The following AIG1 variants were observed in gnomAD, a reference collection of about 807,000 sequenced individuals.
AIG1 encodes androgen induced 1, also known as androgen-induced gene 1 protein.
AIG1 carries 23 observed loss-of-function variants against 31.4 expected under a neutral mutation model. That is an observed-to-expected ratio of 0.73 (90% CI 0.53 to 1.04). The LOEUF is 1.04. Among genes scored for constraint, AIG1 ranks in the 50% least tolerant of loss-of-function variants. The pLI is 0.00. For missense variants in AIG1, 274 were observed against 295.0 expected (o/e 0.93, Z 0.52); for synonymous variants, 100 against 110.5 (o/e 0.90, Z 0.60).
At chr6:143,125,334 A>G (rs1782603538) in intron 1 of AIG1, among the ~76,000 whole-genome samples, 1 of 152,210 alleles carries the variant, frequency 6.6e-6, no homozygotes, top group African/African-American at 2.4e-5. Flanking sequence ...TTAAAAGCAT[A>G]TTCACCTTTG....
intron 3 of AIG1, among the ~76,000 whole-genome samples, chr6:143,171,603 T>C (rs1021755107): frequency 6.2e-4 from 91 of 146,794 alleles, no homozygotes; most frequent in African/African-American, 2.2e-3. Context: ...GGAAAGGTTC[T>C]ATATTTTTGA....
rs181597464 is a variant in AIG1, at chr6:143,074,950, G to A, written c.141+13884G>A. Among the ~76,000 whole-genome samples the A allele has an allele frequency of 2.6e-4, 39 of 152,346 alleles. No individual in the cohort carries two copies. The East Asian group carries it at 6.5e-3, about 26-fold the overall frequency. ...CCAGAATGTTTGGTAGAATTTACCA[G>A]TGAAAACCACTGGGCTTGTGCTTTT... is the stretch of plus-strand genomic sequence containing the variant. On this transcript the variant is annotated intron_variant, in intron 1 of 5. Transcript: ENST00000357847.
Position 143,333,544 on chromosome 6 carries a change from C to A in AIG1, c.679+99C>A. ...ATTCCACTGTAGCCTCTTCTTTTAG[C>A]CTTCACACAGGATCTCCTATAAAGA... On this transcript the variant is annotated intron_variant, in intron 5 of 5. Coordinates refer to ENST00000357847, the MANE Select transcript of AIG1 (RefSeq NM_016108.4). This position sits in a 1 kb window ranked among gnomAD's most constrained non-coding sequence, Gnocchi z 4.6. The A allele has an allele frequency of 7.9e-7, 1 of 1,265,356 alleles. No homozygotes were observed. Among genetic ancestry groups the A allele is most frequent in the Non-Finnish European group, 1.1e-6 (1 of 916,228 alleles). 78.4% of individuals were successfully genotyped at this position (1,265,356 alleles called of 1,614,324 possible). A position where few individuals can be genotyped will look rare whatever the true frequency, so the allele number is the denominator to read the frequency against.
chr6:143,114,962 T>C (rs1223789989), intron 1 of AIG1, among the ~76,000 whole-genome samples: 1 of 152,220 alleles, frequency 6.6e-6, no homozygotes, highest in Non-Finnish European at 1.5e-5. Flanking sequence ...CCAGTCAGCA[T>C]CCAAGTAGGG....
At chr6:143,229,488 A>G (rs747050155) in intron 3 of AIG1, among the ~76,000 whole-genome samples, 1 of 152,158 alleles carries the variant, frequency 6.6e-6, no homozygotes, top group Non-Finnish European at 1.5e-5. Flanking sequence ...CATGTAATGG[A>G]CATTTTCACA....
intron 1 of AIG1, among the ~76,000 whole-genome samples, chr6:143,117,039 G>C (rs1356484491): frequency 1.3e-5 from 2 of 152,042 alleles, no homozygotes; most frequent in Non-Finnish European, 2.9e-5. Context: ...CAGTGTGTCT[G>C]CCGTACAGGG....
intron 4 of AIG1, among the ~76,000 whole-genome samples, chr6:143,302,172 C>A (rs1038628218): frequency 1.3e-5 from 2 of 150,584 alleles, no homozygotes; most frequent in African/African-American, 4.9e-5. Context: ...TTCAGAGAAA[C>A]TAACACTTTT....
intron 3 of AIG1, among the ~76,000 whole-genome samples, chr6:143,179,006 A>G (rs1788469759): frequency 6.6e-6 from 1 of 152,168 alleles, no homozygotes; most frequent in Non-Finnish European, 1.5e-5. Context: ...GAGTGGGCTC[A>G]ACCAGGTAGA....
chr6:143,115,178 C>T (rs1583221724), intron 1 of AIG1, among the ~76,000 whole-genome samples: 1 of 152,142 alleles, frequency 6.6e-6, no homozygotes, highest in African/African-American at 2.4e-5. Context: ...CATTCTTATG[C>T]AGAAGTCTTT....
chr6:143,198,371 T>C (rs1790425316), intron 3 of AIG1, among the ~76,000 whole-genome samples: 1 of 152,140 alleles, frequency 6.6e-6, no homozygotes. Context: ...CTGATCACCA[T>C]CTCCAGGACA....
intron 3 of AIG1, among the ~76,000 whole-genome samples, chr6:143,180,517 T>C (rs1026198010): frequency 2.0e-5 from 3 of 152,214 alleles, no homozygotes; most frequent in African/African-American, 4.8e-5. Flanking sequence ...AGTAAATATA[T>C]ACTGAAAGCA....
Position 143,299,843 on chromosome 6 carries a change from C to T in AIG1, c.515+15618C>T. Reference sequence around the variant, plus strand: ...TCCTTCCAGGTCTCACTGCCATTCCCAATCTAACCTTGAGTCTGAGATCAG... The same window carrying T: ...TCCTTCCAGGTCTCACTGCCATTCCTAATCTAACCTTGAGTCTGAGATCAG... On this transcript the variant is annotated intron_variant, in intron 4 of 5. Coordinates refer to ENST00000357847, the MANE Select transcript of AIG1 (RefSeq NM_016108.4). The surrounding 1 kb of genome is among the most constrained non-coding windows in gnomAD (Gnocchi z 4.1). Among the ~76,000 whole-genome samples the T allele has an allele frequency of 6.6e-6, 1 of 152,198 alleles. No homozygotes were observed. Among genetic ancestry groups the T allele is most frequent in the East Asian group, 1.9e-4 (1 of 5,192 alleles).
At chr6:143,266,346 C>CAAAAAAA (rs398002969) in intron 3 of AIG1, among the ~76,000 whole-genome samples, 2 of 93,206 alleles carry the variant, frequency 2.1e-5, no homozygotes, top group African/African-American at 4.0e-5. Context: ...GAGTCCGTCT[C>CAAAAAAA]AAAAAAAAAA....
At position 143,331,031 on chromosome 6, in the gene AIG1, C is replaced by T. The variant is rs1407143821; in HGVS notation, c.516-2251C>T. ...TTTGATACAAATATTTTTGTTTGGA[C>T]AGTGATTGAGACTGACCTGGACAGA... On this transcript the variant is annotated intron_variant, in intron 4 of 5. Coordinates refer to ENST00000357847, the MANE Select transcript of AIG1 (RefSeq NM_016108.4). This position sits in a 1 kb window ranked among gnomAD's most constrained non-coding sequence, Gnocchi z 4.1. 1.3e-5 allele frequency among the ~76,000 whole-genome samples: 2 copies of T among 152,106 alleles called. No individual in the cohort carries two copies. The highest frequency in any genetic ancestry group is 2.9e-5 in the Non-Finnish European group (2 of 68,026).
At chr6:143,185,635 C>T (rs1161772387) in intron 3 of AIG1, among the ~76,000 whole-genome samples, 2 of 152,140 alleles carry the variant, frequency 1.3e-5, no homozygotes, top group Non-Finnish European at 2.9e-5. Flanking sequence ...ATCTGTTGTG[C>T]TGTATTTGTA....
chr6:143,275,846 A>G (rs1796855406), intron 3 of AIG1, among the ~76,000 whole-genome samples: 1 of 152,244 alleles, frequency 6.6e-6, no homozygotes, highest in South Asian at 2.1e-4. Flanking sequence ...AGAACTACAC[A>G]TACTAATTGG....
At chr6:143,342,835 T>C, downstream of AIG1, 1 of 808,562 alleles carries the variant, frequency 1.2e-6, no homozygotes, top group Non-Finnish European at 2.2e-6. Flanking sequence ...ATATTTCAAA[T>C]CTAATCCAGC....
intron 2 of AIG1, among the ~76,000 whole-genome samples, chr6:143,143,369 C>T (rs1486852513): frequency 3.4e-5 from 5 of 148,908 alleles, no homozygotes; most frequent in Non-Finnish European, 7.4e-5. Context: ...GGCTTGGTGG[C>T]GGGTGCCTGT....
intron 1 of AIG1, among the ~76,000 whole-genome samples, chr6:143,124,272 C>T (rs1782487441): frequency 6.6e-6 from 1 of 152,226 alleles, no homozygotes; most frequent in Admixed American, 6.5e-5. Flanking sequence ...GCCTCTCTTA[C>T]TGTTTTCAGC....
Sources: gnomAD v4.1 joint callset for allele counts (sites outside exome capture counted in the v4.1 genomes callset) on GRCh38, gnomAD v4.1.1 for gene constraint, Gnocchi (gnomAD v3.1) non-coding constraint, MANE v1.5 for transcripts, NCBI Gene and HGNC (gene_info 2026-07-23, HGNC 2026-07-21) for gene names.